Variants in CCSER1 observed in about 807,000 individuals in gnomAD.
CCSER1 encodes the protein coiled-coil serine rich protein 1, also known as serine-rich coiled-coil domain-containing protein 1.
In CCSER1, 41 loss-of-function variants were observed where a neutral mutation model predicts 82.0. The ratio of observed to expected loss-of-function variants is 0.50; its 90% confidence interval spans 0.39 to 0.65. CCSER1 has a LOEUF of 0.65. CCSER1 is among the 30% of genes least tolerant of loss of function. CCSER1 has a pLI of 0.00. For missense variants in CCSER1, 1,119 were observed against 1,064.2 expected (o/e 1.05, Z -0.72); for synonymous variants, 414 against 383.9 (o/e 1.08, Z -0.92).
At chr4:91,353,129 A>G (rs76252774) in intron 10 of CCSER1, among the ~76,000 whole-genome samples, 3,001 of 152,276 alleles carry the variant, frequency 0.02, 90 homozygotes, top group African/African-American at 0.066. Flanking sequence ...GTAGCAGGAT[A>G]AGCTGCAGAC....
At chr4:91,219,533 C>G (rs542131952) in intron 10 of CCSER1, among the ~76,000 whole-genome samples, 115 of 152,114 alleles carry the variant, frequency 7.6e-4, no homozygotes, top group Non-Finnish European at 1.3e-3. Flanking sequence ...GAACTCCTGA[C>G]CTCAAGTGAT....
At chr4:91,471,703 G>T (rs56260560) in intron 10 of CCSER1, among the ~76,000 whole-genome samples, 16,712 of 151,960 alleles carry the variant, frequency 0.11, 985 homozygotes, top group African/African-American at 0.12. Flanking sequence ...ATAATTTTTT[G>T]TGTGTGTTGC....
intron 4 of CCSER1, among the ~76,000 whole-genome samples, chr4:90,455,277 C>T (rs375146545): frequency 2.2e-4 from 34 of 152,264 alleles, no homozygotes; most frequent in East Asian, 1.5e-3. Flanking sequence ...TTCAGCCACA[C>T]CTTAGTGCAA....
intron 1 of CCSER1, among the ~76,000 whole-genome samples, chr4:90,180,114 A>G (rs1409191475): frequency 9.3e-6 from 1 of 107,660 alleles, no homozygotes; most frequent in Non-Finnish European, 1.7e-5. Flanking sequence ...TGTATTGCTT[A>G]TGTAGTTATA....
intron 3 of CCSER1, among the ~76,000 whole-genome samples, chr4:90,380,795 G>T (rs1749078325): frequency 1.3e-5 from 2 of 152,244 alleles, no homozygotes; most frequent in African/African-American, 2.4e-5. Context: ...ATGATGGAAT[G>T]ACCTCCTTAG....
chr4:91,564,227 C>CT (rs1226421625), intron 10 of CCSER1, among the ~76,000 whole-genome samples: 9 of 151,414 alleles, frequency 5.9e-5, no homozygotes, highest in African/African-American at 9.7e-5. Context: ...TAATCTCGTT[C>CT]TTTTTTTTAT....
At chr4:90,204,649 T>C (rs1034937544) in intron 1 of CCSER1, among the ~76,000 whole-genome samples, 1 of 152,244 alleles carries the variant, frequency 6.6e-6, no homozygotes, top group Admixed American at 6.5e-5. Flanking sequence ...TTTGTTCTTT[T>C]TGCTTAGGAT....
At chr4:90,966,520 A>C (rs1446197813) in intron 9 of CCSER1, among the ~76,000 whole-genome samples, 1 of 152,104 alleles carries the variant, frequency 6.6e-6, no homozygotes, top group Non-Finnish European at 1.5e-5. Context: ...TGAAAGAGAA[A>C]TTGAGATGTT....
At chr4:90,724,752 A>C (rs1743323555) in intron 7 of CCSER1, 1 of 307,236 alleles carries the variant, frequency 3.3e-6, no homozygotes, top group Non-Finnish European at 6.5e-6. Flanking sequence ...GTTTGGTTTA[A>C]AGACGTGCAC....
At chr4:90,618,515 TA>T (rs1445968895) in intron 5 of CCSER1, among the ~76,000 whole-genome samples, 1 of 151,962 alleles carries the variant, frequency 6.6e-6, no homozygotes, top group Admixed American at 6.6e-5. Flanking sequence ...TACTAGCTCT[TA>T]AAGCAATAAT....
intron 9 of CCSER1, among the ~76,000 whole-genome samples, chr4:90,974,292 ATCAAAACATTACATTGTATACATATC>A (rs1223760720): frequency 5.0e-4 from 73 of 147,356 alleles, no homozygotes; most frequent in Admixed American, 3.4e-3. Context: ...CAATACATAT[ATCAAAACATTACATTGTATACATATC>A]TCAAAACATT....
intron 10 of CCSER1, among the ~76,000 whole-genome samples, chr4:91,570,612 T>C (rs1007003986): frequency 3.9e-5 from 6 of 152,178 alleles, no homozygotes; most frequent in Non-Finnish European, 7.3e-5. Context: ...TGGCCCCCTT[T>C]AGCCAAGGCT....
intron 10 of CCSER1, among the ~76,000 whole-genome samples, chr4:91,243,129 A>G (rs113983007): frequency 4.6e-5 from 7 of 152,152 alleles, no homozygotes; most frequent in African/African-American, 1.7e-4. Context: ...AGGACTTTAC[A>G]TTGAACTCAG....
chr4:90,693,913 G>C (rs11942399), intron 6 of CCSER1, among the ~76,000 whole-genome samples: 3,802 of 114,548 alleles, frequency 0.033, 126 homozygotes, highest in African/African-American at 0.084. Flanking sequence ...AGAAGAAAGA[G>C]GAGGAGAGAG....
At chr4:91,458,984 C>T (rs1049450538) in intron 10 of CCSER1, among the ~76,000 whole-genome samples, 13 of 151,842 alleles carry the variant, frequency 8.6e-5, no homozygotes, top group African/African-American at 3.1e-4. Flanking sequence ...AATGTAGGAA[C>T]AAAATATTAT....
intron 7 of CCSER1, among the ~76,000 whole-genome samples, chr4:90,800,955 A>T (rs2149699230): frequency 6.6e-6 from 1 of 150,490 alleles, no homozygotes; most frequent in Middle Eastern, 3.4e-3. Context: ...GATAGGTTGA[A>T]ATGCTCTGTT....
At chr4:91,433,615 T>C (rs1378189191) in intron 10 of CCSER1, among the ~76,000 whole-genome samples, 2 of 152,216 alleles carry the variant, frequency 1.3e-5, no homozygotes, top group Non-Finnish European at 1.5e-5. Flanking sequence ...TCTGTTAAAA[T>C]TGCCTGCAGT....
intron 10 of CCSER1, among the ~76,000 whole-genome samples, chr4:91,205,870 C>T (rs1736301233): frequency 6.6e-6 from 1 of 151,752 alleles, no homozygotes; most frequent in Non-Finnish European, 1.5e-5. Flanking sequence ...CAGCTCTGTA[C>T]AAGACGCTGT....
chr4:90,308,984 G>A lies in CCSER1; in HGVS notation c.700G>A (p.Val234Ile), dbSNP rs761834747. The A allele has an allele frequency of 8.1e-6, 13 of 1,613,814 alleles. No homozygotes were observed. The Admixed American group carries it at 1.3e-4, about 17-fold the overall frequency. Residue 234 changes from valine (V) to isoleucine (I), a missense_variant, in exon 2 of 11, where the codon GTA (valine) becomes ATA (isoleucine). Transcript: ENST00000509176. Reference sequence around the variant, plus strand: ...AGCTTCGCCATCCTGTTCTGTGGATGTAACAGAACGGGCAGGAAGCTCTTT... The same window carrying A: ...AGCTTCGCCATCCTGTTCTGTGGATATAACAGAACGGGCAGGAAGCTCTTT... ...VRASPSCSVDVTERAGSSLQS... is the reference protein window; with the variant it reads ...VRASPSCSVDITERAGSSLQS...
Sources: gnomAD v4.1 joint callset for allele counts (sites outside exome capture counted in the v4.1 genomes callset) on GRCh38, gnomAD v4.1.1 for gene constraint, MANE v1.5 for transcripts, NCBI Gene and HGNC (gene_info 2026-07-23, HGNC 2026-07-21) for gene names.